PKHD1L1: variants seen among roughly 807,000 people sequenced by gnomAD.
PKHD1L1 encodes the protein fibrocystin-L.
In PKHD1L1, 434 loss-of-function variants were observed where a neutral mutation model predicts 462.9. That is an observed-to-expected ratio of 0.94 (90% CI 0.87 to 1.02). The LOEUF is 1.02. PKHD1L1 is among the 50% of genes least tolerant of loss of function. The probability of loss-of-function intolerance (pLI) is 0.00; values close to 1 mark genes in which losing one functional copy is unlikely to be tolerated. For synonymous variants in PKHD1L1, 1,781 were observed against 1,750.0 expected, an observed-to-expected ratio of 1.02 and a Z score of -0.44; for missense variants, 5,202 against 5,096.1, an observed-to-expected ratio of 1.02 and a Z score of -0.63.
chr8:109,443,217 A>C (rs1397925404), intron 36 of PKHD1L1, 101 bp downstream of exon 36: 1 of 1,120,482 alleles, frequency 8.9e-7, no homozygotes, highest in African/African-American at 1.5e-5. Context: ...CTGTGCTTCT[A>C]TCTTACTAGC....
At chr8:109,508,004 C>T in intron 69 of PKHD1L1, 93 bp from the exon 70 acceptor site, 1 of 1,493,812 alleles carries the variant, frequency 6.7e-7, no homozygotes, top group Non-Finnish European at 9.1e-7. Flanking sequence ...TTTTCTACTT[C>T]TTAAACTAGC....
At position 109,461,764 on chromosome 8, in the gene PKHD1L1, T is replaced by C. The variant is rs1291242450; in HGVS notation, c.7247-8T>C. ...TTTTTTAATGATGCTTTAAAAACTG[T>C]TTTGAAGGAGAATTTGCTACACAGA... is the stretch of plus-strand genomic sequence containing the variant. On this transcript the variant is annotated splice_polypyrimidine_tract_variant and splice_region_variant and intron_variant, in intron 47 of 77. Transcript: ENST00000378402. 6 of 1,601,780 alleles carry C rather than the reference T, an allele frequency of 3.7e-6. No homozygotes were observed. Among genetic ancestry groups the C allele is most frequent in the Non-Finnish European group, 4.3e-6 (5 of 1,174,688 alleles).
intron 29 of PKHD1L1, 50 bp from the exon 30 acceptor site, chr8:109,436,287 TG>T: frequency 6.5e-7 from 1 of 1,546,998 alleles, no homozygotes. Flanking sequence ...CATTTCTTTT[TG>T]TTATAGTTGA....
At chr8:109,507,570 C>G in intron 68 of PKHD1L1, 93 bp from the exon 69 acceptor site, 1 of 1,060,536 alleles carries the variant, frequency 9.4e-7, no homozygotes, top group Non-Finnish European at 1.4e-6. Flanking sequence ...TTCAATAGAT[C>G]AATTTTTTTG....
In PKHD1L1 at chr8:109,454,730, C is replaced by G; in HGVS notation, c.6752C>G (p.Thr2251Arg). 1 of 1,613,590 alleles carries G rather than the reference C, an allele frequency of 6.2e-7. No individual in the cohort carries two copies. The highest frequency in any genetic ancestry group is 8.5e-7 in the Non-Finnish European group (1 of 1,179,694). The change falls in exon 45 of 78, where the codon ACA (threonine) becomes AGA (arginine). Residue 2251 changes from threonine to arginine, a missense_variant. By Grantham distance (71) the Thr-to-Arg change is moderately conservative. Transcript: ENST00000378402. ...TTGTGACATCTTTTGCAGATTGGAA[C>G]AGAGACATCCCCATTCCAACACAAG... Reference protein sequence around the residue: ...ITDGGVLQIGTETSPFQHKAV... With the variant: ...ITDGGVLQIGRETSPFQHKAV...
rs1815215837 is a variant in PKHD1L1 at position 109,433,324 on chromosome 8, G to A, written c.3340+108G>A. 5.1e-6 allele frequency: 5 copies of A among 973,230 alleles called. No homozygotes were observed. The South Asian group carries it at 6.1e-5, about 12-fold the overall frequency. 60.3% of individuals were successfully genotyped at this position (973,230 alleles called of 1,614,324 possible). A position where few individuals can be genotyped will look rare whatever the true frequency, so the allele number is the denominator to read the frequency against. On this transcript the variant is annotated intron_variant, in intron 28 of 77. Transcript: ENST00000378402. ...GATCGTGTACAATTATCATGATCCA[G>A]TATTACAATTATCATGATCCCTATG...
chr8:109,469,414 A>C (rs754437067), intron 50 of PKHD1L1, among the ~76,000 whole-genome samples: 9 of 152,020 alleles, frequency 5.9e-5, no homozygotes, highest in Non-Finnish European at 8.8e-5. Context: ...ATCCCCCTAC[A>C]TTCCCTAAGG....
intron 38 of PKHD1L1, among the ~76,000 whole-genome samples, 197 bp from the exon 39 acceptor site, chr8:109,447,944 CTT>C (rs1156900506): frequency 3.3e-5 from 5 of 152,044 alleles, no homozygotes; most frequent in South Asian, 4.1e-4. Context: ...AGATAAATCA[CTT>C]ATAATTAATA....
intron 2 of PKHD1L1, among the ~76,000 whole-genome samples, chr8:109,373,763 C>T (rs930445986): frequency 6.6e-6 from 1 of 152,016 alleles, no homozygotes; most frequent in African/African-American, 2.4e-5. Flanking sequence ...TTATTATGTC[C>T]CCAGTAGTCA....
intron 10 of PKHD1L1, 58 bp from the exon 11 acceptor site, chr8:109,395,969 G>A (rs1812950132): frequency 8.2e-7 from 1 of 1,212,474 alleles, no homozygotes; most frequent in Admixed American, 2.0e-5. Flanking sequence ...TAAAAAATCA[G>A]GTATTTGGGT....
At chr8:109,420,869 T>A (rs1338828589) in intron 23 of PKHD1L1, among the ~76,000 whole-genome samples, 179 bp downstream of exon 23, 1 of 152,132 alleles carries the variant, frequency 6.6e-6, no homozygotes, top group Non-Finnish European at 1.5e-5. Context: ...TACAGAAATA[T>A]GTCTATGGGA....
chr8:109,419,361 C>A, intron 22 of PKHD1L1, 101 bp downstream of exon 22: 2 of 834,478 alleles, frequency 2.4e-6, no homozygotes, highest in Admixed American at 3.1e-5. Flanking sequence ...ACATTAATAT[C>A]TAAATATTAA....
chr8:109,424,846 G>A (rs1017492809), intron 23 of PKHD1L1, among the ~76,000 whole-genome samples: 1 of 152,094 alleles, frequency 6.6e-6, no homozygotes, highest in African/African-American at 2.4e-5. Flanking sequence ...GAATTAATGA[G>A]GTATTACTGC....
Position 109,400,315 on chromosome 8 carries a change from T to G in PKHD1L1, c.1252T>G (p.Phe418Val). Residue 418 changes from phenylalanine (F) to valine (V), a missense_variant, in exon 13 of 78, where the codon TTT becomes GTT. This residue lies in a region of PKHD1L1 where 4,497 missense variants were observed against 4,336.8 expected (regional missense o/e 1.04). Coordinates refer to ENST00000378402, the MANE Select transcript of PKHD1L1 (RefSeq NM_177531.6). ...IKGDDRYAIY[F>V]SQTGLPEDKV... The stretch of plus-strand genomic sequence containing the variant: ...GGGTGATGACCGTTATGCTATTTAT[T>G]TTAGCCAGACTGGACTTCCAGAAGA... 2 of 1,613,348 alleles carry G rather than the reference T, an allele frequency of 1.2e-6. No homozygotes were observed.
chr8:109,403,644 G>A (rs1418256309), intron 14 of PKHD1L1, among the ~76,000 whole-genome samples: 2 of 152,112 alleles, frequency 1.3e-5, no homozygotes, highest in Non-Finnish European at 2.9e-5. Flanking sequence ...GGTTCTTATG[G>A]AAGTCAAGAG....
intron 76 of PKHD1L1, among the ~76,000 whole-genome samples, chr8:109,525,322 A>G (rs780459884): frequency 2.6e-4 from 40 of 152,232 alleles, no homozygotes; most frequent in Non-Finnish European, 4.8e-4. Context: ...CTAGATAAGG[A>G]GAATATTACT....
In PKHD1L1 at chr8:109,409,887, T is replaced by C. The variant is rs1195621815; in HGVS notation, c.1994T>C (p.Met665Thr). 3 of 1,589,296 alleles carry C rather than the reference T, an allele frequency of 1.9e-6. No individual in the cohort carries two copies. The South Asian group carries it at 3.5e-5, about 19-fold the overall frequency. Reference sequence around the variant, plus strand: ...TAGTTTCAGGGAGCAGTGGAAGAAATGGTTAGCACTAAGTGTCCACCACAA... The same window carrying C: ...TAGTTTCAGGGAGCAGTGGAAGAAACGGTTAGCACTAAGTGTCCACCACAA... ...EAEFQGAVEE[M>T]VSTKCPPQIA... The change falls in exon 19 of 78, where the codon ATG (methionine) becomes ACG (threonine). Residue 665 changes from methionine (M) to threonine (T), a missense_variant. Transcript: ENST00000378402.
chr8:109,503,458 T>C (rs1055007441), intron 67 of PKHD1L1, among the ~76,000 whole-genome samples: 1 of 152,170 alleles, frequency 6.6e-6, no homozygotes, highest in East Asian at 1.9e-4. Flanking sequence ...TTCTTAATAC[T>C]AATCTACAGG....
chr8:109,407,921 A>G (rs1050339312), intron 17 of PKHD1L1, 128 bp from the exon 18 acceptor site: 2 of 478,762 alleles, frequency 4.2e-6, no homozygotes, highest in Non-Finnish European at 6.1e-6. Flanking sequence ...TTTTCTGATA[A>G]TGGAGCACCA....
Sources: allele counts gnomAD v4.1 joint callset (sites outside exome capture counted in the v4.1 genomes callset), GRCh38; gene constraint gnomAD v4.1.1; regional missense constraint gnomAD v4.1.1; transcripts MANE v1.5; gene names NCBI Gene and HGNC (gene_info 2026-07-23, HGNC 2026-07-21).